The following SENP7 variants were observed in gnomAD, a reference collection of about 807,000 sequenced individuals.
SENP7 encodes sentrin-specific protease 7.
SENP7 carries 64 observed loss-of-function variants against 141.2 expected under a neutral mutation model. The observed-to-expected ratio is 0.45, with a 90% confidence interval of 0.37 to 0.56. The LOEUF is 0.56. Among genes scored for constraint, SENP7 ranks in the 20% least tolerant of loss-of-function variants. The probability of loss-of-function intolerance (pLI) is 0.00; values close to 1 mark genes in which losing one functional copy is unlikely to be tolerated. For missense variants in SENP7, 1,025 were observed against 1,212.2 expected (o/e 0.85, Z 2.29); for synonymous variants, 382 against 426.4 (o/e 0.90, Z 1.28).
chr3:101,361,702 A>G lies in SENP7; in HGVS notation c.1623+13T>C, dbSNP rs373514641. On this transcript the variant is annotated intron_variant, in intron 11 of 23. Transcript: ENST00000394095. ...GATCCAAACTAAAAGAAAATTAAAG[A>G]AAATATACTTACTGTAACACAACCT... 2.6e-6 allele frequency: 4 copies of G among 1,539,086 alleles called. No individual in the cohort carries two copies. In the African/African-American group the frequency reaches 5.6e-5, roughly 22 times the overall value.
intron 10 of SENP7, chr3:101,363,183 T>C: frequency 1.2e-6 from 1 of 839,496 alleles, no homozygotes. Flanking sequence ...AGTATACTAT[T>C]AATATCTTCT....
intron 5 of SENP7, among the ~76,000 whole-genome samples, chr3:101,405,255 G>A (rs989012442): frequency 6.6e-6 from 1 of 152,164 alleles, no homozygotes; most frequent in African/African-American, 2.4e-5. Context: ...CAGGTCACAA[G>A]ACTCTGTGCA....
At chr3:101,340,456 C>T in intron 15 of SENP7, 1 of 415,114 alleles carries the variant, frequency 2.4e-6, no homozygotes, top group Non-Finnish European at 4.2e-6. Context: ...TCTTAATAGG[C>T]TACTATCTGA....
chr3:101,409,805 AAAT>A (rs1480832356), intron 5 of SENP7, among the ~76,000 whole-genome samples: 22 of 152,372 alleles, frequency 1.4e-4, no homozygotes, highest in East Asian at 1.3e-3. Context: ...TTAAGGACTT[AAAT>A]CTAAGACCTG....
intron 20 of SENP7, among the ~76,000 whole-genome samples, chr3:101,329,102 G>A (rs2058979042): frequency 6.6e-6 from 1 of 152,034 alleles, no homozygotes; most frequent in Non-Finnish European, 1.5e-5. Flanking sequence ...AAAGGGATAG[G>A]GAATTTTGTT....
At chr3:101,484,939 G>A (rs909805836) in intron 3 of SENP7, among the ~76,000 whole-genome samples, 10 of 152,014 alleles carry the variant, frequency 6.6e-5, no homozygotes, top group Admixed American at 1.3e-4. Context: ...GACAGAGACC[G>A]GCCCTTCATT....
intron 3 of SENP7, among the ~76,000 whole-genome samples, chr3:101,467,203 A>G (rs2107939825): frequency 6.6e-6 from 1 of 152,356 alleles, no homozygotes; most frequent in Admixed American, 6.5e-5. Flanking sequence ...GGCAGAGCCC[A>G]CCACAGTTCA....
intron 6 of SENP7, among the ~76,000 whole-genome samples, chr3:101,398,314 G>A (rs1304397411): frequency 6.6e-6 from 1 of 152,082 alleles, no homozygotes; most frequent in Non-Finnish European, 1.5e-5. Context: ...CAAAAAATTA[G>A]CTGGGCGTGG....
intron 6 of SENP7, among the ~76,000 whole-genome samples, chr3:101,378,437 G>A (rs1252108980): frequency 6.6e-6 from 1 of 151,902 alleles, no homozygotes; most frequent in African/African-American, 2.4e-5. Context: ...CTCACTAGTA[G>A]ACAGGATATG....
At chr3:101,451,158 T>C (rs2063118657) in intron 4 of SENP7, among the ~76,000 whole-genome samples, 1 of 152,136 alleles carries the variant, frequency 6.6e-6, no homozygotes, top group Admixed American at 6.5e-5. Flanking sequence ...CTCCCAAGAC[T>C]AAATCAGGAA....
At chr3:101,431,155 T>C (rs917681372) in intron 4 of SENP7, among the ~76,000 whole-genome samples, 6 of 152,246 alleles carry the variant, frequency 3.9e-5, no homozygotes, top group Non-Finnish European at 7.3e-5. Context: ...ATGTATATTC[T>C]GTTGATTTGG....
chr3:101,366,086 T>C (rs1450961191), intron 9 of SENP7, among the ~76,000 whole-genome samples: 1 of 152,198 alleles, frequency 6.6e-6, no homozygotes, highest in Admixed American at 6.5e-5. Context: ...AAATTAATGA[T>C]AATAATCAGA....
intron 5 of SENP7, among the ~76,000 whole-genome samples, chr3:101,413,868 AGAGATAAGCAAAGGC>A (rs1303455725): frequency 1.3e-5 from 2 of 152,216 alleles, no homozygotes; most frequent in Non-Finnish European, 2.9e-5. Context: ...ACACAAAGCT[AGAGATAAGCAAAGGC>A]GAGATCATTA....
chr3:101,372,065 C>A lies in SENP7; in HGVS notation c.739G>T (p.Glu247Ter). 6.4e-7 allele frequency: 1 copy of A among 1,568,604 alleles called. No homozygotes were observed. Among genetic ancestry groups the A allele is most frequent in the Non-Finnish European group, 8.7e-7 (1 of 1,150,484 alleles). The change falls in exon 7 of 24, where the codon GAA becomes TAA. Residue 247 changes from glutamate to a stop codon, truncating the protein, a stop_gained. Coordinates refer to ENST00000394095, the MANE Select transcript of SENP7 (RefSeq NM_020654.5). LOFTEE classifies it high-confidence loss of function. The part of the protein sequence containing the change: ...NSAKQTAHNK[E>*]KRRKDDGISL... Reference sequence around the variant, plus strand: ...ATGCCATCATCCTTTCTTCGTTTTTCTTTATTGTGCGCAGTCTGCTTTGCA... The same window carrying A: ...ATGCCATCATCCTTTCTTCGTTTTTATTTATTGTGCGCAGTCTGCTTTGCA...
At chr3:101,473,970 C>T (rs1221149429) in intron 3 of SENP7, among the ~76,000 whole-genome samples, 3 of 152,176 alleles carry the variant, frequency 2.0e-5, no homozygotes, top group Non-Finnish European at 4.4e-5. Context: ...GTTATCCCAG[C>T]ACCATTTATT....
chr3:101,332,044 G>A lies in SENP7; in HGVS notation c.2639C>T (p.Pro880Leu), dbSNP rs1297180866. 6.2e-7 allele frequency: 1 copy of A among 1,613,430 alleles called. No individual in the cohort carries two copies. The highest frequency in any genetic ancestry group is 1.7e-5 in the Admixed American group (1 of 59,950). The change falls in exon 19 of 24, where the codon CCA (proline) becomes CTA (leucine). Residue 880 changes from proline to leucine, a missense_variant. This residue lies in a region of SENP7 where 295 missense variants were observed against 459.1 expected (regional missense o/e 0.64). Coordinates refer to ENST00000394095, the MANE Select transcript of SENP7 (RefSeq NM_020654.5). ...CTGGGACTGCTGGGATACAGTTTGTGGAAAATCTTCATACACAGCTTCTTC... is the reference window on the plus strand; with the variant it reads ...CTGGGACTGCTGGGATACAGTTTGTAGAAAATCTTCATACACAGCTTCTTC... ...WLEEAVYEDFPQTVSQQSQAQ... is the reference protein window; with the variant it reads ...WLEEAVYEDFLQTVSQQSQAQ...
At chr3:101,357,637 T>G (rs2059780323) in intron 11 of SENP7, 100 of 795,870 alleles carry the variant, frequency 1.3e-4, no homozygotes, top group Non-Finnish European at 1.9e-4. Context: ...AAAGCGGTTA[T>G]AATGGACTTA....
chr3:101,403,671 G>A (rs2061217316), intron 5 of SENP7, among the ~76,000 whole-genome samples: 2 of 152,020 alleles, frequency 1.3e-5, no homozygotes, highest in African/African-American at 2.4e-5. Flanking sequence ...TAGAAAACCC[G>A]ATAGTCTCAG....
intron 3 of SENP7, among the ~76,000 whole-genome samples, chr3:101,491,960 C>T (rs1353930277): frequency 1.3e-5 from 2 of 152,130 alleles, no homozygotes; most frequent in Non-Finnish European, 2.9e-5. Flanking sequence ...GGCGTGGTGG[C>T]ACATGCCAGT....
Sources: allele counts gnomAD v4.1 joint callset (sites outside exome capture counted in the v4.1 genomes callset), GRCh38; gene constraint gnomAD v4.1.1; regional missense constraint gnomAD v4.1.1; transcripts MANE v1.5; gene names NCBI Gene and HGNC (gene_info 2026-07-23, HGNC 2026-07-21).